The following CSMD2 variants were observed in gnomAD, a reference collection of about 807,000 sequenced individuals.
CSMD2 encodes the protein CUB and Sushi multiple domains 2.
In CSMD2, 130 loss-of-function variants were observed where a neutral mutation model predicts 398.5. The ratio of observed to expected loss-of-function variants is 0.33; its 90% CI spans 0.28 to 0.38. The LOEUF (loss-of-function observed/expected upper bound fraction) is 0.38, where lower values mean the gene tolerates loss of function less well. Ranked by LOEUF, CSMD2 falls within the 10% of genes least tolerant of loss-of-function variation. CSMD2 has a pLI of 1.00. For synonymous variants in CSMD2, 1,828 were observed against 1,908.5 expected, an observed-to-expected ratio of 0.96 and a Z score of 1.10; for missense variants, 3,829 against 4,764.9, an observed-to-expected ratio of 0.80 and a Z score of 5.78.
intron 3 of CSMD2, among the ~76,000 whole-genome samples, chr1:33,998,317 T>C (rs1646790706): frequency 6.6e-6 from 1 of 152,164 alleles, no homozygotes. Flanking sequence ...TGGCCCCTAG[T>C]CCTTGGATTT....
At chr1:33,611,339 C>T (rs1487918997) in intron 40 of CSMD2, 89 bp from the exon 41 acceptor site, 2 of 1,130,614 alleles carry the variant, frequency 1.8e-6, no homozygotes, top group Non-Finnish European at 2.6e-6. Flanking sequence ...CTGCCAGAGC[C>T]ATGAGTCCCT....
chr1:33,938,203 A>G lies in CSMD2; in HGVS notation c.518-2249T>C, dbSNP rs80181037. 6.2e-3 allele frequency among the ~76,000 whole-genome samples: 946 copies of G among 152,338 alleles called. 4 individuals are homozygous for G. Among genetic ancestry groups the G allele is most frequent in the Middle Eastern group, 0.041 (12 of 294 alleles). ...GATCTAGATGAAAAGATTTACCTCT[A>G]TTGCCCTGTCCATTGGCCCAGCTTA... On this transcript the variant is annotated intron_variant, in intron 3 of 70. Coordinates refer to ENST00000373381, the MANE Select transcript of CSMD2 (RefSeq NM_001281956.2).
chr1:33,620,108 T>C (rs971780521), intron 37 of CSMD2, among the ~76,000 whole-genome samples: 1 of 152,252 alleles, frequency 6.6e-6, no homozygotes, highest in Non-Finnish European at 1.5e-5. Context: ...TATCTTATGC[T>C]ACACAGATTG....
At chr1:34,034,297 A>G (rs1650839077) in intron 2 of CSMD2, among the ~76,000 whole-genome samples, 1 of 152,030 alleles carries the variant, frequency 6.6e-6, no homozygotes, top group African/African-American at 2.4e-5. Flanking sequence ...CAATCGCGAC[A>G]TACTAGCCCT....
intron 1 of CSMD2, among the ~76,000 whole-genome samples, chr1:34,090,604 T>C (rs2148371678): frequency 6.6e-6 from 1 of 152,100 alleles, no homozygotes; most frequent in South Asian, 2.1e-4. Context: ...AAGGCTCACC[T>C]AGAAGCTTCC....
At chr1:34,149,234 C>G (rs1640062555) in intron 1 of CSMD2, among the ~76,000 whole-genome samples, 2 of 152,196 alleles carry the variant, frequency 1.3e-5, no homozygotes, top group Admixed American at 1.3e-4. Context: ...TACCCCTTCA[C>G]TGAGCTAGGG....
At chr1:33,553,275 T>C (rs1657638568) in intron 55 of CSMD2, among the ~76,000 whole-genome samples, 1 of 152,224 alleles carries the variant, frequency 6.6e-6, no homozygotes, top group South Asian at 2.1e-4. Flanking sequence ...ATTTTGGTAA[T>C]TCTCACAATA....
chr1:33,692,207 C>G (rs1645264211), intron 25 of CSMD2, among the ~76,000 whole-genome samples: 1 of 152,202 alleles, frequency 6.6e-6, no homozygotes, highest in African/African-American at 2.4e-5. Flanking sequence ...ATGGTTCTTT[C>G]TCCTCTGACT....
intron 3 of CSMD2, among the ~76,000 whole-genome samples, chr1:34,007,203 C>T (rs903589748): frequency 2.6e-5 from 4 of 152,142 alleles, no homozygotes; most frequent in East Asian, 1.9e-4. Flanking sequence ...CTGAGCATCA[C>T]GCCTGACCTC....
intron 25 of CSMD2, among the ~76,000 whole-genome samples, chr1:33,676,740 T>A (rs1198318422): frequency 2.0e-5 from 3 of 152,186 alleles, no homozygotes; most frequent in Non-Finnish European, 4.4e-5. Flanking sequence ...CAAAACAGCA[T>A]GGTACTGGTA....
intron 3 of CSMD2, among the ~76,000 whole-genome samples, chr1:33,971,684 G>C (rs144469208): frequency 6.6e-6 from 1 of 152,344 alleles, no homozygotes; most frequent in African/African-American, 2.4e-5. Context: ...GGAGGGTCAT[G>C]TGGGATTGGT....
intron 27 of CSMD2, among the ~76,000 whole-genome samples, chr1:33,655,424 A>C (rs1643918163): frequency 6.6e-6 from 1 of 152,220 alleles, no homozygotes; most frequent in Non-Finnish European, 1.5e-5. Flanking sequence ...TTTAATCCTC[A>C]AAACAATGCT....
At chr1:33,748,327 C>T (rs1485213145) in intron 13 of CSMD2, among the ~76,000 whole-genome samples, 1 of 152,128 alleles carries the variant, frequency 6.6e-6, no homozygotes, top group Non-Finnish European at 1.5e-5. Context: ...TCTCATCACC[C>T]TCAATCACCC....
chr1:33,917,286 C>A (rs1257234448), intron 5 of CSMD2, among the ~76,000 whole-genome samples: 1 of 152,214 alleles, frequency 6.6e-6, no homozygotes, highest in Non-Finnish European at 1.5e-5. Context: ...TTGAAGTACA[C>A]CTGGACATAT....
At chr1:33,571,757 A>AATTACTTGAT in intron 50 of CSMD2, 31 bp from the exon 51 acceptor site, 1 of 1,390,982 alleles carries the variant, frequency 7.2e-7, no homozygotes, top group Non-Finnish European at 9.5e-7. Context: ...AAGGAGGATT[A>AATTACTTGAT]ATTACTTGAT....
chr1:33,955,383 T>C (rs1475877866), intron 3 of CSMD2, among the ~76,000 whole-genome samples: 1 of 152,016 alleles, frequency 6.6e-6, no homozygotes, highest in Non-Finnish European at 1.5e-5. Flanking sequence ...CAGAGGATGC[T>C]TATTCCAGGA....
chr1:33,958,760 C>T (rs1485463429), intron 3 of CSMD2, among the ~76,000 whole-genome samples: 2 of 152,222 alleles, frequency 1.3e-5, no homozygotes, highest in African/African-American at 4.8e-5. Context: ...CCCTGGATGA[C>T]AGCTTTGTGA....
At chr1:34,151,303 G>T (rs562466512) in intron 1 of CSMD2, among the ~76,000 whole-genome samples, 15 of 152,294 alleles carry the variant, frequency 9.8e-5, no homozygotes, top group Admixed American at 7.8e-4. Context: ...AGTGTTCCAT[G>T]AGCCAGTCCC....
chr1:33,774,790 C>T (rs1277279706), intron 12 of CSMD2, among the ~76,000 whole-genome samples: 1 of 152,182 alleles, frequency 6.6e-6, no homozygotes, highest in African/African-American at 2.4e-5. Context: ...ATCTGCCCAG[C>T]CTTCCCATCG....
Sources: allele counts gnomAD v4.1 joint callset (sites outside exome capture counted in the v4.1 genomes callset), GRCh38; gene constraint gnomAD v4.1.1; transcripts MANE v1.5; gene names NCBI Gene and HGNC (gene_info 2026-07-23, HGNC 2026-07-21).